The following NGEF variants were observed in gnomAD, a reference collection of about 807,000 sequenced individuals.
NGEF encodes the protein ephexin-1.
Under a neutral mutation model 80.9 loss-of-function variants are expected in NGEF, and 31 were observed. The ratio of observed to expected loss-of-function variants is 0.38; its 90% confidence interval spans 0.29 to 0.52. The LOEUF is 0.52. Among genes scored for constraint, NGEF ranks in the 20% least tolerant of loss-of-function variants. The pLI is 0.84. For synonymous variants in NGEF, 371 were observed against 370.2 expected, an observed-to-expected ratio of 1.00 and a Z score of -0.03; for missense variants, 709 against 926.2, an observed-to-expected ratio of 0.77 and a Z score of 3.04.
intron 1 of NGEF, among the ~76,000 whole-genome samples, chr2:232,989,872 T>C (rs1694618212): frequency 6.6e-6 from 1 of 152,138 alleles, no homozygotes; most frequent in African/African-American, 2.4e-5. Context: ...TATAGCACAT[T>C]TGTAGGTCAG....
chr2:232,955,359 C>T lies in NGEF; in HGVS notation c.383+14855G>A, dbSNP rs950211517. The stretch of plus-strand genomic sequence containing the variant: ...CAGGAAGTCAGCTTTGAAATAGTAT[C>T]ACCAATGACCCTCAGACTCCATTCA... On this transcript the variant is annotated intron_variant, in intron 3 of 14. Transcript: ENST00000264051. Among the ~76,000 whole-genome samples, 3 of 152,274 alleles carry T rather than the reference C, an allele frequency of 2.0e-5. No individual in the cohort carries two copies. The South Asian group carries it at 6.2e-4, about 32-fold the overall frequency.
Position 232,933,964 on chromosome 2 carries a change from C to T in NGEF, c.384-6778G>A, listed in dbSNP as rs144238486. On this transcript the variant is annotated intron_variant, in intron 3 of 14. Transcript: ENST00000264051. ...AGCCAGACAAAAACCCTTTATGAGG[C>T]GGGGCACAGTGGCTCACACCTGTAA... Among the ~76,000 whole-genome samples the T allele has an allele frequency of 5.7e-3, 862 of 152,294 alleles. 2 individuals carry two copies. Among genetic ancestry groups the T allele is most frequent in the Non-Finnish European group, 9.8e-3 (669 of 68,012 alleles).
chr2:232,916,957 G>A (rs1692816092), intron 5 of NGEF, among the ~76,000 whole-genome samples: 1 of 152,238 alleles, frequency 6.6e-6, no homozygotes, highest in African/African-American at 2.4e-5. Context: ...GGCTGTGCAA[G>A]GATCCACCAG....
At chr2:232,898,358 C>A (rs1271886279) in intron 5 of NGEF, among the ~76,000 whole-genome samples, 1 of 152,190 alleles carries the variant, frequency 6.6e-6, no homozygotes. Flanking sequence ...GCATCTCTGT[C>A]CTGATCTTCA....
At chr2:232,988,080 T>TGTGA (rs1694574123) in intron 1 of NGEF, among the ~76,000 whole-genome samples, 2 of 148,440 alleles carry the variant, frequency 1.3e-5, no homozygotes, top group Non-Finnish European at 1.5e-5. Flanking sequence ...TGTGTGTGTG[T>TGTGA]GTGAGTGACA....
rs144813624 is a variant in NGEF at position 232,907,629 on chromosome 2, A to AAG, written c.828+12654_828+12655insCT. On this transcript the variant is annotated intron_variant, in intron 5 of 14. Transcript: ENST00000264051. ...ATTGCACATCAGTTAGGTCAGCCTC[A>AAG]TTTATTTTTAAAAATCTACATCTGA... Among the ~76,000 whole-genome samples, 906 of 152,360 alleles carry AAG rather than the reference A, an allele frequency of 5.9e-3. 8 individuals carry two copies. The highest frequency in any genetic ancestry group is 0.02 in the African/African-American group (850 of 41,576).
At chr2:233,009,756 A>G (rs1006740658) in intron 1 of NGEF, among the ~76,000 whole-genome samples, 2 of 152,168 alleles carry the variant, frequency 1.3e-5, no homozygotes, top group Admixed American at 1.3e-4. Flanking sequence ...CACAGCCACC[A>G]GGTGCAGGGT....
intron 5 of NGEF, among the ~76,000 whole-genome samples, chr2:232,911,788 T>G (rs1432093942): frequency 2.6e-5 from 4 of 152,196 alleles, no homozygotes; most frequent in Non-Finnish European, 5.9e-5. Flanking sequence ...ATAATTTTAA[T>G]TTGTTTCTAA....
chr2:232,944,742 T>TAC (rs1408315339), intron 3 of NGEF, among the ~76,000 whole-genome samples: 1 of 94,748 alleles, frequency 1.1e-5, no homozygotes, highest in East Asian at 2.2e-4. Flanking sequence ...TATATATATA[T>TAC]ATATATATAT....
intron 3 of NGEF, among the ~76,000 whole-genome samples, chr2:232,962,906 G>A (rs1398328744): frequency 6.6e-6 from 1 of 151,828 alleles, no homozygotes; most frequent in Non-Finnish European, 1.5e-5. Flanking sequence ...TATACAATAT[G>A]TTGTTTTGAA....
chr2:232,962,169 A>G (rs549006758), intron 3 of NGEF, among the ~76,000 whole-genome samples: 1 of 152,368 alleles, frequency 6.6e-6, no homozygotes, highest in South Asian at 2.1e-4. Context: ...CACTGCTTCT[A>G]TTCAGCACTA....
At chr2:232,985,376 G>A (rs1425763374) in intron 1 of NGEF, among the ~76,000 whole-genome samples, 1 of 152,128 alleles carries the variant, frequency 6.6e-6, no homozygotes, top group Non-Finnish European at 1.5e-5. Context: ...CAGCCCTTTG[G>A]GAGGCCGAGG....
intron 3 of NGEF, among the ~76,000 whole-genome samples, chr2:232,960,014 T>C (rs969818562): frequency 9.9e-5 from 15 of 152,216 alleles, no homozygotes; most frequent in African/African-American, 3.4e-4. Context: ...AGTGTTGGCC[T>C]TGGAGGTGAC....
chr2:232,966,513 A>G (rs2106317842), intron 3 of NGEF, among the ~76,000 whole-genome samples: 1 of 152,134 alleles, frequency 6.6e-6, no homozygotes, highest in South Asian at 2.1e-4. Context: ...CCTGTTCCCC[A>G]GATTCCAGAG....
intron 1 of NGEF, among the ~76,000 whole-genome samples, chr2:232,994,215 C>G (rs1310451953): frequency 6.6e-6 from 1 of 151,834 alleles, no homozygotes; most frequent in East Asian, 1.9e-4. Flanking sequence ...ACTAAAAATA[C>G]AAAAAGTAGC....
chr2:232,944,497 G>C (rs867826582), intron 3 of NGEF, among the ~76,000 whole-genome samples: 1 of 152,026 alleles, frequency 6.6e-6, no homozygotes, highest in South Asian at 2.1e-4. Flanking sequence ...TAAGAATGAA[G>C]AAGGTGTCCT....
intron 5 of NGEF, among the ~76,000 whole-genome samples, chr2:232,898,589 C>T (rs1692170479): frequency 1.3e-5 from 2 of 152,218 alleles, no homozygotes; most frequent in Admixed American, 6.5e-5. Flanking sequence ...ATCGATATTA[C>T]TTTTGCTCTC....
intron 8 of NGEF, among the ~76,000 whole-genome samples, chr2:232,890,752 G>C (rs749250083): frequency 6.6e-6 from 1 of 151,796 alleles, no homozygotes; most frequent in Non-Finnish European, 1.5e-5. Flanking sequence ...CCCCTTCCCC[G>C]TTTCCGTCAC....
chr2:232,919,282 G>A (rs933936210), intron 5 of NGEF, among the ~76,000 whole-genome samples: 4 of 151,708 alleles, frequency 2.6e-5, no homozygotes, highest in African/African-American at 9.7e-5. Context: ...GTAGGGAAAG[G>A]CAGGACTTTT....
Sources: allele counts gnomAD v4.1 joint callset (sites outside exome capture counted in the v4.1 genomes callset), GRCh38; gene constraint gnomAD v4.1.1; transcripts MANE v1.5; gene names NCBI Gene and HGNC (gene_info 2026-07-23, HGNC 2026-07-21).